The following FLYWCH1 variants were observed in gnomAD, a reference collection of about 807,000 sequenced individuals.
FLYWCH1 encodes FLYWCH-type zinc finger-containing protein 1.
In FLYWCH1, 75 loss-of-function variants were observed where a neutral mutation model predicts 66.4. That is an observed-to-expected ratio of 1.13 (90% CI 0.94 to 1.37). The LOEUF (loss-of-function observed/expected upper bound fraction) is 1.37, where lower values mean the gene tolerates loss of function less well. FLYWCH1 is among the 40% of genes most tolerant of loss of function. FLYWCH1 has a pLI of 0.00. For synonymous variants in FLYWCH1, 595 were observed against 429.9 expected, an observed-to-expected ratio of 1.38 and a Z score of -4.75; for missense variants, 1,334 against 1,001.8, an observed-to-expected ratio of 1.33 and a Z score of -4.48.
At chr16:2,914,487 C>G (rs1461533172) in intron 2 of FLYWCH1, among the ~76,000 whole-genome samples, 198 bp downstream of exon 2, 2 of 152,322 alleles carry the variant, frequency 1.3e-5, no homozygotes, top group East Asian at 3.9e-4. Flanking sequence ...TCAAATTGCT[C>G]CGCACCCTCA....
chr16:2,929,960 T>C lies in FLYWCH1; in HGVS notation c.275T>C (p.Val92Ala). Residue 92 changes from valine (V) to alanine (A), a missense_variant, in exon 3 of 10, where the codon GTC becomes GCC. Physicochemically the swap from Val to Ala is moderately conservative, Grantham distance 64. Coordinates refer to ENST00000253928, the MANE Select transcript of FLYWCH1 (RefSeq NM_001308068.2). ...CCAGTTGAGGAGCAGGGAGGGGTGGTCCAGCCAGCCCTAGAGATGCCTGAA... is the reference window on the plus strand; with the variant it reads ...CCAGTTGAGGAGCAGGGAGGGGTGGCCCAGCCAGCCCTAGAGATGCCTGAA... ...ILPVEEQGGV[V>A]QPALEMPEQK... is the part of the protein sequence containing the mutation. The C allele has an allele frequency of 6.2e-7, 1 of 1,613,006 alleles. No homozygotes were observed. Among genetic ancestry groups the C allele is most frequent in the Middle Eastern group, 1.7e-4 (1 of 6,058 alleles).
At chr16:2,931,845 G>C (rs1303778127) in intron 4 of FLYWCH1, among the ~76,000 whole-genome samples, 1 of 152,004 alleles carries the variant, frequency 6.6e-6, no homozygotes, top group African/African-American at 2.4e-5. Context: ...TGGGCGCTTT[G>C]GCTCACGCCT....
chr16:2,939,390 A>G (rs1440273883), intron 8 of FLYWCH1, among the ~76,000 whole-genome samples: 2 of 152,154 alleles, frequency 1.3e-5, no homozygotes, highest in Non-Finnish European at 2.9e-5. Flanking sequence ...TGGGAGGCGG[A>G]GGTTGCAGTG....
chr16:2,938,297 T>A lies in FLYWCH1; in HGVS notation c.1891T>A (p.Cys631Ser), dbSNP rs762091478. Residue 631 changes from cysteine to serine, a missense_variant, in exon 8 of 10, where the codon TGC becomes AGC. Coordinates refer to ENST00000253928, the MANE Select transcript of FLYWCH1 (RefSeq NM_001308068.2). ...GGCTGGGGAGAAGGTGTACTGGATG[T>A]GCCGGGACCAGGCTCGGCTGGGCTG... is the stretch of plus-strand genomic sequence containing the variant. The part of the protein sequence containing the change: ...KAAGEKVYWM[C>S]RDQARLGCRS... The A allele has an allele frequency of 6.2e-7, 1 of 1,611,810 alleles. No individual in the cohort carries two copies. The highest frequency in any genetic ancestry group is 1.7e-5 in the Admixed American group (1 of 59,788).
At chr16:2,942,253 C>T (rs916955550) in intron 9 of FLYWCH1, among the ~76,000 whole-genome samples, 1 of 152,000 alleles carries the variant, frequency 6.6e-6, no homozygotes, top group South Asian at 2.1e-4. Context: ...CATCTCAGCT[C>T]ACTTGAACCT....
chr16:2,933,421 A>C lies in FLYWCH1; in HGVS notation c.1088A>C (p.Asp363Ala). ...AGQDGPGSQV[D>A]TLLRGVDSLL... Reference sequence around the variant, plus strand: ...CAGGACGGCCCTGGGAGCCAAGTGGACACGCTGCTCCGAGGCGTGGATAGT... The same window carrying C: ...CAGGACGGCCCTGGGAGCCAAGTGGCCACGCTGCTCCGAGGCGTGGATAGT... Residue 363 changes from aspartate (D) to alanine (A), a missense_variant, in exon 5 of 10, where the codon GAC (aspartate) becomes GCC (alanine). Asp to Ala is a moderately radical substitution (Grantham distance 126). Coordinates refer to ENST00000253928, the MANE Select transcript of FLYWCH1 (RefSeq NM_001308068.2). 1.2e-6 allele frequency: 2 copies of C among 1,601,522 alleles called. No homozygotes were observed. Among genetic ancestry groups the C allele is most frequent in the African/African-American group, 1.3e-5 (1 of 74,722 alleles).
intron 2 of FLYWCH1, among the ~76,000 whole-genome samples, chr16:2,921,368 T>C (rs1596358269): frequency 6.6e-6 from 1 of 151,124 alleles, no homozygotes; most frequent in African/African-American, 2.4e-5. Flanking sequence ...TTTTTTTGCT[T>C]CTAAAGCCAG....
At chr16:2,922,986 A>G in intron 2 of FLYWCH1, 1 of 510,776 alleles carries the variant, frequency 2.0e-6, no homozygotes. Context: ...TTGGGCTGCC[A>G]GAAGGCGGGT....
intron 2 of FLYWCH1, among the ~76,000 whole-genome samples, chr16:2,926,591 C>T (rs1286177789): frequency 6.6e-6 from 1 of 152,140 alleles, no homozygotes; most frequent in African/African-American, 2.4e-5. Flanking sequence ...ACCACCTGCC[C>T]GTCTTTTAAT....
At chr16:2,935,266 T>TGGG (rs796716677) in intron 6 of FLYWCH1, 1 of 152,522 alleles carries the variant, frequency 6.6e-6, no homozygotes, top group Non-Finnish European at 1.5e-5. Flanking sequence ...CGCGGCTGAC[T>TGGG]GGGGGGTGCT....
Position 2,930,422 on chromosome 16 carries a change from C to A in FLYWCH1, c.338C>A (p.Ser113Tyr). Residue 113 changes from serine to tyrosine, a missense_variant, in exon 4 of 10, where the codon TCC (serine) becomes TAC (tyrosine). Transcript: ENST00000253928. Reference protein sequence around the residue: ...CSKLDAAAPQSLEFLRTPFGG... With the variant: ...CSKLDAAAPQYLEFLRTPFGG... ...CCCGTTCCCCCAGCAGCCCCTCAGTCCCTGGAGTTCCTGAGGACACCATTC... is the reference window on the plus strand; with the variant it reads ...CCCGTTCCCCCAGCAGCCCCTCAGTACCTGGAGTTCCTGAGGACACCATTC... 6.8e-7 allele frequency: 1 copy of A among 1,465,774 alleles called. No homozygotes were observed. The highest frequency in any genetic ancestry group is 1.4e-5 in the South Asian group (1 of 70,054). 90.8% of individuals were successfully genotyped at this position (1,465,774 alleles called of 1,614,324 possible). A position where few individuals can be genotyped will look rare whatever the true frequency, so the allele number is the denominator to read the frequency against.
chr16:2,927,074 T>G (rs918817022), intron 2 of FLYWCH1, among the ~76,000 whole-genome samples: 1 of 152,212 alleles, frequency 6.6e-6, no homozygotes, highest in Non-Finnish European at 1.5e-5. Flanking sequence ...ATTGGCTGCC[T>G]CCAGAGGTCC....
intron 9 of FLYWCH1, among the ~76,000 whole-genome samples, chr16:2,940,608 G>A (rs933855737): frequency 3.3e-5 from 5 of 152,054 alleles, no homozygotes; most frequent in Non-Finnish European, 7.4e-5. Flanking sequence ...GCTGATTTTT[G>A]TATTTGCAGT....
At chr16:2,938,887 C>T (rs1253859060) in intron 8 of FLYWCH1, among the ~76,000 whole-genome samples, 1 of 150,820 alleles carries the variant, frequency 6.6e-6, no homozygotes, top group Admixed American at 6.6e-5. Flanking sequence ...GCTAGGATTA[C>T]AGGCGTGAGT....
chr16:2,934,736 C>T (rs1465834770), intron 6 of FLYWCH1: 2 of 452,212 alleles, frequency 4.4e-6, no homozygotes, highest in East Asian at 1.4e-4. Flanking sequence ...CTTTTTGTTC[C>T]ATCTCCAGAG....
Position 2,948,961 on chromosome 16 carries a change from G to A in FLYWCH1, c.*234G>A, listed in dbSNP as rs761537134. 9.3e-6 allele frequency: 5 copies of A among 539,040 alleles called. No individual in the cohort carries two copies. Among genetic ancestry groups the A allele is most frequent in the South Asian group, 2.1e-5 (1 of 48,544 alleles). 33.4% of individuals were successfully genotyped at this position (539,040 alleles called of 1,614,324 possible). ...CGCTTGCAGACGCAGCTGTCGTGGG[G>A]CAGGGCGGTGGCGCCTTCCTGACCT... On this transcript the variant is annotated 3_prime_UTR_variant, in exon 10 of 10. Coordinates refer to ENST00000253928, the MANE Select transcript of FLYWCH1 (RefSeq NM_001308068.2).
rs563110595 is a variant in FLYWCH1, at chr16:2,934,622, CCT to C, written c.1513+648_1513+649del. On this transcript the variant is annotated intron_variant, in intron 6 of 9. Coordinates refer to ENST00000253928, the MANE Select transcript of FLYWCH1 (RefSeq NM_001308068.2). ...CTTCCTTCACGCCCCAAGGCGCTGG[CCT>C]CTCTTTCCAGTGGCTCTTCCGGATC... 8.3e-5 allele frequency: 38 copies of C among 456,892 alleles called. 1 individual carries two copies. The highest frequency in any genetic ancestry group is 3.7e-4 in the South Asian group (24 of 64,560). 28.3% of individuals were successfully genotyped at this position (456,892 alleles called of 1,614,324 possible). A position where few individuals can be genotyped will look rare whatever the true frequency, so the allele number is the denominator to read the frequency against.
chr16:2,941,995 CAAAAAAAAAAAAAAAA>C (rs748281347), intron 9 of FLYWCH1, among the ~76,000 whole-genome samples: 2 of 33,606 alleles, frequency 6.0e-5, no homozygotes, highest in Non-Finnish European at 1.4e-4. Flanking sequence ...AGACTCATCT[CAAAAAAAAAAAAAAAA>C]AAAAAAAAAA....
chr16:2,949,028 C>T lies in FLYWCH1; in HGVS notation c.*301C>T. On this transcript the variant is annotated 3_prime_UTR_variant, in exon 10 of 10. Coordinates refer to ENST00000253928, the MANE Select transcript of FLYWCH1 (RefSeq NM_001308068.2). ...AGCTGCCTGGACACGGACGCCCCTG[C>T]TGTACGGCCACAGCACCCCTGGGTT... The T allele has an allele frequency of 4.6e-6, 2 of 434,464 alleles. No homozygotes were observed. The highest frequency in any genetic ancestry group is 9.4e-5 in the East Asian group (2 of 21,230). The allele number at this position is 434,464 out of a possible 1,614,324, so 26.9% of individuals were successfully genotyped here.
Sources: allele counts gnomAD v4.1 joint callset (sites outside exome capture counted in the v4.1 genomes callset), GRCh38; gene constraint gnomAD v4.1.1; transcripts MANE v1.5; gene names NCBI Gene and HGNC (gene_info 2026-07-23, HGNC 2026-07-21).